BAZ2B: variants seen among roughly 807,000 people sequenced by gnomAD.
BAZ2B encodes the protein bromodomain adjacent to zinc finger domain 2B, also known as bromodomain adjacent to zinc finger domain protein 2B.
A neutral mutation model predicts 246.0 loss-of-function variants in BAZ2B; 91 were observed. The observed-to-expected ratio is 0.37, with a 90% CI of 0.31 to 0.44. BAZ2B has a LOEUF of 0.44. Ranked by LOEUF, BAZ2B falls within the 20% of genes least tolerant of loss-of-function variation. BAZ2B has a pLI of 1.00. For missense variants in BAZ2B, 2,332 were observed against 2,533.7 expected (o/e 0.92, Z 1.71); for synonymous variants, 855 against 860.0 (o/e 0.99, Z 0.10).
At chr2:159,347,389 A>G in intron 31 of BAZ2B, 97 bp downstream of exon 31, 1 of 1,337,938 alleles carries the variant, frequency 7.5e-7, no homozygotes, top group Admixed American at 2.0e-5. Flanking sequence ...ACAAAATAAA[A>G]ACATTTAGCA....
chr2:159,694,300 A>C, the BAZ2B span: 1 of 152,206 alleles, frequency 6.6e-6, no homozygotes, highest in African/African-American at 2.4e-5. Context: ...CACGGTGAGA[A>C]AATACATTTC....
intron 2 of BAZ2B, among the ~76,000 whole-genome samples, chr2:159,530,174 G>C (rs899294493): frequency 2.8e-4 from 43 of 152,308 alleles, no homozygotes; most frequent in Non-Finnish European, 6.0e-4. Context: ...ATTGAAAGTA[G>C]TAACCTTCAC....
chr2:159,584,650 G>A (rs1387169173), intron 1 of BAZ2B, among the ~76,000 whole-genome samples: 5 of 152,056 alleles, frequency 3.3e-5, no homozygotes, highest in Non-Finnish European at 7.4e-5. Context: ...TTAAGATACA[G>A]AAAAGAAGAG....
the BAZ2B span, among the ~76,000 whole-genome samples, chr2:159,698,204 T>A: frequency 6.6e-6 from 1 of 152,048 alleles, no homozygotes; most frequent in Admixed American, 6.6e-5. Flanking sequence ...TTTCCACGAA[T>A]CTACTCTCTC....
At chr2:159,541,603 A>G (rs2086670786) in intron 2 of BAZ2B, among the ~76,000 whole-genome samples, 2 of 152,134 alleles carry the variant, frequency 1.3e-5, no homozygotes, top group African/African-American at 4.8e-5. Context: ...TTAAACAAAC[A>G]GAAGTTCTCA....
At chr2:159,566,369 G>T (rs1232275554) in intron 1 of BAZ2B, among the ~76,000 whole-genome samples, 1 of 152,172 alleles carries the variant, frequency 6.6e-6, no homozygotes, top group Non-Finnish European at 1.5e-5. Flanking sequence ...ACATGCAGTT[G>T]CATAGTGTAA....
chr2:159,422,035 A>C (rs939897079), intron 13 of BAZ2B, among the ~76,000 whole-genome samples: 1 of 152,240 alleles, frequency 6.6e-6, no homozygotes, highest in Non-Finnish European at 1.5e-5. Flanking sequence ...ATAGCTATCC[A>C]AGGAGGTGAA....
chr2:159,369,789 T>C (rs759546992), intron 27 of BAZ2B, among the ~76,000 whole-genome samples: 29 of 152,186 alleles, frequency 1.9e-4, no homozygotes, highest in Admixed American at 3.9e-4. Flanking sequence ...TTGAGTTGGT[T>C]CCAAGTCTTT....
intron 21 of BAZ2B, 118 bp from the exon 22 acceptor site, chr2:159,386,725 A>T: frequency 8.4e-7 from 1 of 1,192,614 alleles, no homozygotes; most frequent in Non-Finnish European, 1.1e-6. Context: ...GTATTGTACC[A>T]GTAGCTTCCT....
At chr2:159,509,573 GTGTAACAGAATAAAATCAATGCT>G (rs1488330595) in intron 2 of BAZ2B, among the ~76,000 whole-genome samples, 9 of 152,100 alleles carry the variant, frequency 5.9e-5, no homozygotes, top group Non-Finnish European at 1.2e-4. Context: ...TCACTATACA[GTGTAACAGAATAAAATCAATGCT>G]TGATTCAGCT....
the BAZ2B span, chr2:159,693,406 A>G: frequency 7.1e-6 from 1 of 141,678 alleles, no homozygotes; most frequent in African/African-American, 2.6e-5. Flanking sequence ...GATGAAATAT[A>G]TTTGCCTTAA....
chr2:159,587,164 C>G (rs369408436), intron 1 of BAZ2B, among the ~76,000 whole-genome samples: 1 of 152,068 alleles, frequency 6.6e-6, no homozygotes. Context: ...CTGCAAGCTC[C>G]ACCTCCCGGG....
At chr2:159,501,232 A>ATATATATATTATATATATATT (rs2081788286) in intron 2 of BAZ2B, among the ~76,000 whole-genome samples, 2 of 116,466 alleles carry the variant, frequency 1.7e-5, no homozygotes, top group Non-Finnish European at 3.4e-5. Context: ...ATATTTATAT[A>ATATATATATTATATATATATT]TATATATATA....
chr2:159,626,404 A>G, the BAZ2B span, among the ~76,000 whole-genome samples: 1 of 152,198 alleles, frequency 6.6e-6, no homozygotes, highest in Non-Finnish European at 1.5e-5. Context: ...CACTTATTCT[A>G]AAATTGACCA....
In BAZ2B at chr2:159,427,950, A is replaced by G. The variant is rs1576913458; in HGVS notation, c.2457T>C (p.Asp819=). ...IRVGDFYEAR[D]GPQGMQWCLL... ...TTTAAAAAGTGGATACCTGCGGTCC[A>G]TCTCTGGCTTCATAGAAGTCACCCA... Residue 819 remains aspartate (D), a synonymous_variant, in exon 13 of 37, where the codon GAT becomes GAC. Transcript: ENST00000392783. 1 of 1,613,234 alleles carries G rather than the reference A, an allele frequency of 6.2e-7. No individual in the cohort carries two copies. The highest frequency in any genetic ancestry group is 2.2e-5 in the East Asian group (1 of 44,822).
At chr2:159,591,112 A>G (rs879502152) in intron 1 of BAZ2B, among the ~76,000 whole-genome samples, 4 of 152,178 alleles carry the variant, frequency 2.6e-5, no homozygotes, top group Non-Finnish European at 5.9e-5. Context: ...TCATTGCCTA[A>G]AACTTTTGTA....
the BAZ2B span, among the ~76,000 whole-genome samples, chr2:159,709,022 G>A: frequency 2.1e-3 from 321 of 152,100 alleles, 2 homozygotes; most frequent in Non-Finnish European, 2.6e-3. Context: ...GCACTAAATC[G>A]AGAGTTTATT....
the BAZ2B span, among the ~76,000 whole-genome samples, chr2:159,684,388 C>T: frequency 2.0e-5 from 3 of 152,052 alleles, no homozygotes; most frequent in African/African-American, 7.2e-5. Context: ...AAGAAACTGA[C>T]AAACTAAATA....
chr2:159,376,444 T>TCATTCATCCACTCCTTACCC (rs1232539462), intron 25 of BAZ2B, among the ~76,000 whole-genome samples: 2 of 152,108 alleles, frequency 1.3e-5, no homozygotes, highest in Non-Finnish European at 2.9e-5. Context: ...TACCATTATC[T>TCATTCATCCACTCCTTACCC]CTCATTCATC....
Sources: gnomAD v4.1 joint callset for allele counts (sites outside exome capture counted in the v4.1 genomes callset) on GRCh38, gnomAD v4.1.1 for gene constraint, MANE v1.5 for transcripts, NCBI Gene and HGNC (gene_info 2026-07-23, HGNC 2026-07-21) for gene names.